Variants in SLC44A5 observed in about 807,000 individuals in gnomAD.
The protein encoded by SLC44A5 is solute carrier family 44 member 5.
A neutral mutation model predicts 101.8 loss-of-function variants in SLC44A5; 57 were observed. That is an observed-to-expected ratio of 0.56 (90% CI 0.45 to 0.70). The LOEUF (loss-of-function observed/expected upper bound fraction) is 0.70. Ranked by LOEUF, SLC44A5 falls within the 30% of genes least tolerant of loss-of-function variation. The pLI, the probability that SLC44A5 is intolerant of heterozygous loss-of-function variation, is 0.00. For missense variants in SLC44A5, 737 were observed against 853.1 expected, an observed-to-expected ratio of 0.86 and a Z score of 1.70; for synonymous variants, 281 against 290.9, an observed-to-expected ratio of 0.97 and a Z score of 0.35.
chr1:75,285,293 T>A (rs1652947904), intron 5 of SLC44A5, among the ~76,000 whole-genome samples: 1 of 152,120 alleles, frequency 6.6e-6, no homozygotes, highest in African/African-American at 2.4e-5. Flanking sequence ...CAGGTGTTCA[T>A]CGTAGCCTTA....
intron 2 of SLC44A5, among the ~76,000 whole-genome samples, chr1:75,489,693 A>G (rs1047001552): frequency 6.6e-6 from 1 of 152,148 alleles, no homozygotes; most frequent in Non-Finnish European, 1.5e-5. Context: ...CAAGTCAAGA[A>G]CACAAAAGAC....
At chr1:75,586,545 T>A (rs1430470529) in intron 1 of SLC44A5, among the ~76,000 whole-genome samples, 1 of 151,946 alleles carries the variant, frequency 6.6e-6, no homozygotes, top group Non-Finnish European at 1.5e-5. Context: ...GTTTGATTTT[T>A]TTTTTTGTTT....
chr1:75,625,756 T>G, the SLC44A5 span, among the ~76,000 whole-genome samples: 2 of 152,166 alleles, frequency 1.3e-5, no homozygotes, highest in Non-Finnish European at 2.9e-5. Flanking sequence ...AGTCCCCCAG[T>G]TACCATCCTA....
the SLC44A5 span, among the ~76,000 whole-genome samples, chr1:75,660,454 G>A: frequency 6.6e-6 from 1 of 151,972 alleles, no homozygotes; most frequent in African/African-American, 2.4e-5. Flanking sequence ...ATTAAACATA[G>A]TAGTAGAAGT....
chr1:75,430,382 A>G (rs1664548574), intron 2 of SLC44A5, among the ~76,000 whole-genome samples: 1 of 152,174 alleles, frequency 6.6e-6, no homozygotes, highest in Non-Finnish European at 1.5e-5. Context: ...ACTGTGAAAA[A>G]TAAATTTCTA....
intron 1 of SLC44A5, among the ~76,000 whole-genome samples, chr1:75,561,501 C>T (rs1450035824): frequency 6.6e-6 from 1 of 152,126 alleles, no homozygotes; most frequent in Non-Finnish European, 1.5e-5. Flanking sequence ...ATGTCACTAA[C>T]ACCTATAACA....
At chr1:75,512,075 A>T (rs1367436739) in intron 2 of SLC44A5, among the ~76,000 whole-genome samples, 3 of 152,212 alleles carry the variant, frequency 2.0e-5, no homozygotes, top group Non-Finnish European at 4.4e-5. Flanking sequence ...GGCCTCAATA[A>T]ATGAAAATGT....
At chr1:75,402,009 A>G (rs1203528830) in intron 2 of SLC44A5, among the ~76,000 whole-genome samples, 1 of 152,206 alleles carries the variant, frequency 6.6e-6, no homozygotes, top group Non-Finnish European at 1.5e-5. Flanking sequence ...CACATGAAGC[A>G]CCTCACCAAG....
intron 13 of SLC44A5, among the ~76,000 whole-genome samples, chr1:75,223,283 A>G (rs963926343): frequency 2.6e-5 from 4 of 152,182 alleles, no homozygotes; most frequent in African/African-American, 9.6e-5. Context: ...ATATCCTTAC[A>G]GTAAATACCA....
At chr1:75,252,955 T>G (rs925927539) in intron 6 of SLC44A5, among the ~76,000 whole-genome samples, 1 of 152,040 alleles carries the variant, frequency 6.6e-6, no homozygotes, top group Non-Finnish European at 1.5e-5. Flanking sequence ...GAAAGAACTA[T>G]TCAGTGAGGA....
intron 2 of SLC44A5, among the ~76,000 whole-genome samples, chr1:75,431,423 T>C (rs1193228513): frequency 6.6e-6 from 1 of 152,200 alleles, no homozygotes; most frequent in Non-Finnish European, 1.5e-5. Context: ...TTGATTGGGT[T>C]ACACTACTTT....
chr1:75,445,153 G>A (rs374567202), intron 2 of SLC44A5, among the ~76,000 whole-genome samples: 1 of 152,232 alleles, frequency 6.6e-6, no homozygotes, highest in East Asian at 1.9e-4. Context: ...TATGGGTCAT[G>A]GGAGTGGATC....
At chr1:75,698,444 T>G in the SLC44A5 span, among the ~76,000 whole-genome samples, 1 of 152,200 alleles carries the variant, frequency 6.6e-6, no homozygotes, top group South Asian at 2.1e-4. Context: ...CTGAGGGTCC[T>G]GTCTGTTAGA....
At chr1:75,393,464 T>C (rs1661928233) in intron 3 of SLC44A5, among the ~76,000 whole-genome samples, 1 of 152,220 alleles carries the variant, frequency 6.6e-6, no homozygotes, top group East Asian at 1.9e-4. Context: ...AAGTAATATA[T>C]GTTTATGTTA....
At chr1:75,523,609 A>G (rs1231896547) in intron 2 of SLC44A5, among the ~76,000 whole-genome samples, 2 of 152,314 alleles carry the variant, frequency 1.3e-5, no homozygotes, top group South Asian at 2.1e-4. Context: ...GGCGTGAGCC[A>G]CCATCCCCAG....
At chr1:75,564,825 T>C (rs1672708957) in intron 1 of SLC44A5, among the ~76,000 whole-genome samples, 1 of 152,114 alleles carries the variant, frequency 6.6e-6, no homozygotes. Context: ...GGTTTCCCCG[T>C]GTTAGCCAGG....
At chr1:75,623,158 GAGAT>G in the SLC44A5 span, among the ~76,000 whole-genome samples, 1 of 152,070 alleles carries the variant, frequency 6.6e-6, no homozygotes, top group Admixed American at 6.6e-5. Context: ...TTTTACAAGG[GAGAT>G]AGAATTAACC....
chr1:75,370,293 T>C (rs555773851), intron 3 of SLC44A5, among the ~76,000 whole-genome samples: 2 of 152,382 alleles, frequency 1.3e-5, no homozygotes, highest in East Asian at 3.9e-4. Context: ...AAGAAGAATA[T>C]CAATTTAATA....
At chr1:75,414,899 T>A (rs1663538912) in intron 2 of SLC44A5, among the ~76,000 whole-genome samples, 1 of 152,206 alleles carries the variant, frequency 6.6e-6, no homozygotes, top group South Asian at 2.1e-4. Flanking sequence ...CTAGAATTTT[T>A]ATCTTTACTG....
Sources: gnomAD v4.1 joint callset for allele counts (sites outside exome capture counted in the v4.1 genomes callset) on GRCh38, gnomAD v4.1.1 for gene constraint, MANE v1.5 for transcripts, NCBI Gene and HGNC (gene_info 2026-07-23, HGNC 2026-07-21) for gene names.